IGSF21: variants seen among roughly 807,000 people sequenced by gnomAD.
IGSF21 encodes immunoglobulin superfamily member 21.
IGSF21 carries 28 observed loss-of-function variants against 46.8 expected under a neutral mutation model. The observed-to-expected ratio is 0.60, with a 90% confidence interval of 0.44 to 0.82. The LOEUF (loss-of-function observed/expected upper bound fraction) is 0.82, where lower values mean the gene tolerates loss of function less well. Ranked by LOEUF, IGSF21 falls within the 40% of genes least tolerant of loss-of-function variation. IGSF21 has a pLI of 0.00. For missense variants in IGSF21, 624 were observed against 665.5 expected (o/e 0.94, Z 0.69); for synonymous variants, 284 against 273.6 (o/e 1.04, Z -0.38).
intron 3 of IGSF21, among the ~76,000 whole-genome samples, chr1:18,320,641 A>T (rs983397755): frequency 1.3e-5 from 2 of 152,186 alleles, no homozygotes; most frequent in African/African-American, 4.8e-5. Context: ...TCCTGCTCTG[A>T]AGCTGCCCCT....
Position 18,365,996 on chromosome 1 carries a change from G to C in IGSF21, c.1015+299G>C, listed in dbSNP as rs1557663291. On this transcript the variant is annotated intron_variant, in intron 6 of 9. Coordinates refer to ENST00000251296, the MANE Select transcript of IGSF21 (RefSeq NM_032880.5). The surrounding 1 kb of genome is among the most constrained non-coding windows in gnomAD (Gnocchi z 4.8). Reference sequence around the variant, plus strand: ...ACACAGGAGATCAGGGGAGGTCAGAGGAGTTCCTGGATTAGATCAGGAACA... The same window carrying C: ...ACACAGGAGATCAGGGGAGGTCAGACGAGTTCCTGGATTAGATCAGGAACA... Among the ~76,000 whole-genome samples, 2 of 151,728 alleles carry C rather than the reference G, an allele frequency of 1.3e-5. No homozygotes were observed. Among genetic ancestry groups the C allele is most frequent in the African/African-American group, 2.4e-5 (1 of 41,296 alleles).
chr1:18,208,362 T>C (rs1463468327), intron 1 of IGSF21, among the ~76,000 whole-genome samples: 1 of 120,202 alleles, frequency 8.3e-6, no homozygotes, highest in African/African-American at 3.0e-5. Context: ...GCAGTTCTCC[T>C]TCAGTTTAGG....
intron 4 of IGSF21, among the ~76,000 whole-genome samples, chr1:18,347,363 C>T (rs1004135431): frequency 3.9e-5 from 6 of 152,284 alleles, no homozygotes; most frequent in South Asian, 2.1e-4. Context: ...CAGTGAGTGG[C>T]GCTGAGATTG....
intron 1 of IGSF21, among the ~76,000 whole-genome samples, chr1:18,215,330 G>A (rs2084433175): frequency 6.6e-6 from 1 of 152,208 alleles, no homozygotes; most frequent in Admixed American, 6.5e-5. Flanking sequence ...CACTAAGAAT[G>A]TAGTAACAGA....
chr1:18,148,485 C>T (rs2086491223), intron 1 of IGSF21, among the ~76,000 whole-genome samples: 1 of 152,150 alleles, frequency 6.6e-6, no homozygotes, highest in Non-Finnish European at 1.5e-5. Context: ...CACTGAAGCC[C>T]GGAGAAGCTA....
At chr1:18,215,356 C>T (rs76415748) in intron 1 of IGSF21, among the ~76,000 whole-genome samples, 1,550 of 152,270 alleles carry the variant, frequency 0.01, 24 homozygotes, top group African/African-American at 0.035. Flanking sequence ...GCATTTGGCC[C>T]GTTAGAGGCT....
chr1:18,277,512 A>C (rs1193315666), intron 2 of IGSF21, among the ~76,000 whole-genome samples: 1 of 152,224 alleles, frequency 6.6e-6, no homozygotes, highest in African/African-American at 2.4e-5. Context: ...ACCCTTTGTC[A>C]AACAAAGCAG....
intron 3 of IGSF21, among the ~76,000 whole-genome samples, chr1:18,313,370 C>T (rs438043): frequency 2.0e-5 from 3 of 152,204 alleles, no homozygotes; most frequent in Non-Finnish European, 4.4e-5. Context: ...AGCCAGGCTC[C>T]TAGCCTCTGA....
intron 6 of IGSF21, among the ~76,000 whole-genome samples, chr1:18,369,205 C>T (rs866220938): frequency 6.6e-6 from 1 of 152,152 alleles, no homozygotes. Context: ...TAGCCTCCCT[C>T]GACTGCTGAG....
chr1:18,376,532 T>C, intron 7 of IGSF21, 137 bp downstream of exon 7: 1 of 765,676 alleles, frequency 1.3e-6, no homozygotes, highest in South Asian at 1.5e-5. Context: ...AGTTTCCCAA[T>C]GTGTAATTGG....
chr1:18,325,425 T>C (rs1302870735), intron 3 of IGSF21, among the ~76,000 whole-genome samples: 1 of 152,116 alleles, frequency 6.6e-6, no homozygotes, highest in African/African-American at 2.4e-5. Flanking sequence ...GGAGAAGGAC[T>C]GAGGCCCTGA....
At chr1:18,200,436 T>C (rs1175559479) in intron 1 of IGSF21, among the ~76,000 whole-genome samples, 1 of 152,142 alleles carries the variant, frequency 6.6e-6, no homozygotes, top group Admixed American at 6.5e-5. Flanking sequence ...ACACTCCCTC[T>C]GATTCCTGCA....
At chr1:18,282,933 T>C (rs552942323) in intron 2 of IGSF21, among the ~76,000 whole-genome samples, 3 of 152,206 alleles carry the variant, frequency 2.0e-5, no homozygotes, top group Admixed American at 2.0e-4. Flanking sequence ...GAAACACACC[T>C]ATTTGTACAG....
intron 1 of IGSF21, among the ~76,000 whole-genome samples, chr1:18,161,992 C>T (rs2086630146): frequency 6.6e-6 from 1 of 152,128 alleles, no homozygotes; most frequent in South Asian, 2.1e-4. Context: ...CAGGTGGTCC[C>T]TAACTTACAA....
chr1:18,343,131 A>G (rs2085859535), intron 4 of IGSF21, among the ~76,000 whole-genome samples: 1 of 152,086 alleles, frequency 6.6e-6, no homozygotes, highest in Non-Finnish European at 1.5e-5. Flanking sequence ...TAGCCATCCT[A>G]GTGGATCCTA....
intron 1 of IGSF21, among the ~76,000 whole-genome samples, chr1:18,209,599 C>T (rs547024607): frequency 1.4e-4 from 21 of 150,614 alleles, no homozygotes; most frequent in East Asian, 3.9e-4. Context: ...GGAATACAGG[C>T]GCCCGCCACC....
chr1:18,359,860 A>G (rs916251934), intron 4 of IGSF21, among the ~76,000 whole-genome samples: 1 of 152,230 alleles, frequency 6.6e-6, no homozygotes, highest in Admixed American at 6.5e-5. Context: ...ACCAATAGAT[A>G]CAAGCTCCCT....
intron 2 of IGSF21, among the ~76,000 whole-genome samples, chr1:18,285,442 G>T (rs1179775373): frequency 6.6e-6 from 1 of 152,082 alleles, no homozygotes; most frequent in Non-Finnish European, 1.5e-5. Flanking sequence ...GGCAGCTCTG[G>T]AGCATGAGAA....
At chr1:18,326,350 T>TC (rs2085657919) in intron 3 of IGSF21, among the ~76,000 whole-genome samples, 1 of 152,186 alleles carries the variant, frequency 6.6e-6, no homozygotes, top group South Asian at 2.1e-4. Context: ...ATGCTTGGGA[T>TC]CTTTCCAGCA....
Sources: allele counts gnomAD v4.1 joint callset (sites outside exome capture counted in the v4.1 genomes callset), GRCh38; gene constraint gnomAD v4.1.1; non-coding constraint Gnocchi (gnomAD v3.1); transcripts MANE v1.5; gene names NCBI Gene and HGNC (gene_info 2026-07-23, HGNC 2026-07-21).